XIRP2: variants seen among roughly 807,000 people sequenced by gnomAD.
XIRP2 encodes the protein xin actin binding repeat containing 2, also known as xin actin-binding repeat-containing protein 2.
A neutral mutation model predicts 277.0 loss-of-function variants in XIRP2; 236 were observed. The observed-to-expected ratio is 0.85, with a 90% CI of 0.77 to 0.95. The LOEUF is 0.95. XIRP2 is among the 40% of genes least tolerant of loss of function. XIRP2 has a pLI of 0.00. For missense variants in XIRP2, 4,640 were observed against 4,157.5 expected (o/e 1.12, Z -3.19); for synonymous variants, 1,490 against 1,416.5 (o/e 1.05, Z -1.17).
chr2:166,937,005 G>T (rs1321852568), intron 2 of XIRP2, among the ~76,000 whole-genome samples: 1 of 152,138 alleles, frequency 6.6e-6, no homozygotes, highest in Non-Finnish European at 1.5e-5. Context: ...ACCTTGGGGA[G>T]TATGGCCATT....
At chr2:167,023,417 C>G (rs1419567399) in intron 2 of XIRP2, among the ~76,000 whole-genome samples, 12 of 151,850 alleles carry the variant, frequency 7.9e-5, no homozygotes, top group Admixed American at 3.9e-4. Context: ...CCTGTTCACT[C>G]TGATGGTAGT....
chr2:166,948,682 T>C (rs958902432), intron 2 of XIRP2, among the ~76,000 whole-genome samples: 4 of 152,046 alleles, frequency 2.6e-5, no homozygotes, highest in African/African-American at 9.7e-5. Context: ...TACTACATCA[T>C]GATGCCTCTG....
At chr2:167,163,083 T>A (rs552497289) in intron 3 of XIRP2, among the ~76,000 whole-genome samples, 1 of 152,324 alleles carries the variant, frequency 6.6e-6, no homozygotes, top group African/African-American at 2.4e-5. Context: ...ATCTTCTTTA[T>A]GGACAGCTAG....
In XIRP2 at chr2:167,246,912, T is replaced by G; in HGVS notation, c.5520T>G (p.Asp1840Glu). ...KIPKEEIIKG[D>E]LTSTLNSLSQ... ...CCAAAGAAGAGATTATAAAAGGTGA[T>G]TTGACATCAACCCTAAATTCCCTCA... The change falls in exon 9 of 11, where the codon GAT becomes GAG. Residue 1840 changes from aspartate (D) to glutamate (E), a missense_variant. Asp to Glu is a conservative substitution (Grantham distance 45, BLOSUM62 2). Coordinates refer to ENST00000409195, the MANE Select transcript of XIRP2 (RefSeq NM_152381.6). 1 of 1,613,384 alleles carries G rather than the reference T, an allele frequency of 6.2e-7. No individual in the cohort carries two copies. Among genetic ancestry groups the G allele is most frequent in the East Asian group, 2.2e-5 (1 of 44,826 alleles).
At chr2:167,047,705 G>A (rs1474464674) in intron 2 of XIRP2, among the ~76,000 whole-genome samples, 1 of 151,790 alleles carries the variant, frequency 6.6e-6, no homozygotes, top group Non-Finnish European at 1.5e-5. Context: ...ACCTGTTTAG[G>A]GCTCATGTCA....
At chr2:167,176,585 G>A (rs985772550) in intron 3 of XIRP2, among the ~76,000 whole-genome samples, 7 of 152,098 alleles carry the variant, frequency 4.6e-5, no homozygotes, top group African/African-American at 1.7e-4. Flanking sequence ...GGGGCTTCAT[G>A]ATTTTTTAAT....
At chr2:166,934,157 T>A (rs979626433) in intron 2 of XIRP2, among the ~76,000 whole-genome samples, 17 of 144,236 alleles carry the variant, frequency 1.2e-4, no homozygotes, top group Non-Finnish European at 2.1e-4. Flanking sequence ...TATGTTATAT[T>A]GCATAAAAGT....
chr2:167,187,073 G>A (rs747450520), intron 3 of XIRP2, among the ~76,000 whole-genome samples: 43 of 152,002 alleles, frequency 2.8e-4, no homozygotes, highest in African/African-American at 9.2e-4. Flanking sequence ...AAGTAATTCC[G>A]GAACTTTAAT....
At chr2:166,985,159 C>CT (rs1486616687) in intron 2 of XIRP2, among the ~76,000 whole-genome samples, 2 of 152,180 alleles carry the variant, frequency 1.3e-5, no homozygotes, top group East Asian at 3.9e-4. Context: ...TACTACAATT[C>CT]TTTTTTTCCC....
Position 166,912,013 on chromosome 2 carries a change from C to T in XIRP2, c.408+8123C>T, listed in dbSNP as rs146632469. ...GATGGGCTTCACTTTGTGAGTAACC[C>T]GACCTTTCTTTCTGTCTGCCCTTAA... is the stretch of plus-strand genomic sequence containing the variant. On this transcript the variant is annotated intron_variant, in intron 2 of 10. Coordinates refer to ENST00000409195, the MANE Select transcript of XIRP2 (RefSeq NM_152381.6). Among the ~76,000 whole-genome samples the T allele has an allele frequency of 5.6e-3, 852 of 152,218 alleles. 45 individuals carry two copies. In the East Asian group the frequency reaches 0.13, roughly 23 times the overall value.
intron 2 of XIRP2, among the ~76,000 whole-genome samples, chr2:167,095,852 T>C (rs13018559): frequency 9.2e-5 from 3 of 32,592 alleles, no homozygotes; most frequent in African/African-American, 8.2e-4. Context: ...GGCGTCACTC[T>C]TTTTTTTTTT....
intron 2 of XIRP2, among the ~76,000 whole-genome samples, chr2:166,996,216 G>C (rs1687217254): frequency 6.6e-6 from 1 of 152,180 alleles, no homozygotes; most frequent in African/African-American, 2.4e-5. Flanking sequence ...GAGTGAGTGA[G>C]TGAACTAGTA....
intron 3 of XIRP2, among the ~76,000 whole-genome samples, chr2:167,153,564 C>G (rs985052756): frequency 6.6e-6 from 1 of 151,910 alleles, no homozygotes; most frequent in African/African-American, 2.4e-5. Flanking sequence ...CCCACTCCCC[C>G]CACCCCACAA....
chr2:167,205,952 C>T lies in XIRP2; in HGVS notation c.563-4783C>T, dbSNP rs1334366984. Among the ~76,000 whole-genome samples the T allele has an allele frequency of 2.0e-5, 3 of 152,018 alleles. No individual in the cohort carries two copies. In the East Asian group the frequency reaches 5.8e-4, roughly 29 times the overall value. On this transcript the variant is annotated intron_variant, in intron 3 of 10. Coordinates refer to ENST00000409195, the MANE Select transcript of XIRP2 (RefSeq NM_152381.6). ...ATGGTCTGTGTTTGACTTTTTGTTG[C>T]CCTCTCACATGGTTATCAACTTGGA...
chr2:167,183,822 G>A (rs955624907), intron 3 of XIRP2, among the ~76,000 whole-genome samples: 1 of 151,832 alleles, frequency 6.6e-6, no homozygotes, highest in African/African-American at 2.4e-5. Flanking sequence ...AAGTAAGCAG[G>A]GTGTATTCAA....
At chr2:167,026,230 G>A (rs887186542) in intron 2 of XIRP2, among the ~76,000 whole-genome samples, 1 of 152,032 alleles carries the variant, frequency 6.6e-6, no homozygotes, top group African/African-American at 2.4e-5. Flanking sequence ...TGTCTCTTTT[G>A]AGCTTTGTTG....
In XIRP2 at chr2:167,246,364, G is replaced by A; in HGVS notation, c.4972G>A (p.Asp1658Asn). The change falls in exon 9 of 11, where the codon GAT becomes AAT. Residue 1658 changes from aspartate to asparagine, a missense_variant. Coordinates refer to ENST00000409195, the MANE Select transcript of XIRP2 (RefSeq NM_152381.6). ...TGAAAAAGAAGAGATAGTGAAAGGT[G>A]ATGTACAACAAGCAATAAAAAACCT... Reference protein sequence around the residue: ...HAEKEEIVKGDVQQAIKNLFS... With the variant: ...HAEKEEIVKGNVQQAIKNLFS... 1 of 1,613,198 alleles carries A rather than the reference G, an allele frequency of 6.2e-7. No homozygotes were observed. The highest frequency in any genetic ancestry group is 1.1e-5 in the South Asian group (1 of 90,948).
In XIRP2 at chr2:167,006,521, T is replaced by C. The variant is rs560751591; in HGVS notation, c.408+102631T>C. ...TCTCTGGAAATTGAATGTGTTTTTGTGATTTCTGTTTCTAAGCTGCACTGC... is the reference window on the plus strand; with the variant it reads ...TCTCTGGAAATTGAATGTGTTTTTGCGATTTCTGTTTCTAAGCTGCACTGC... On this transcript the variant is annotated intron_variant, in intron 2 of 10. Transcript: ENST00000409195. Among the ~76,000 whole-genome samples the C allele has an allele frequency of 5.9e-5, 9 of 151,938 alleles. No individual in the cohort carries two copies. In the East Asian group the frequency reaches 1.7e-3, roughly 30 times the overall value.
At chr2:166,900,698 T>G (rs530023456) in intron 1 of XIRP2, among the ~76,000 whole-genome samples, 1 of 152,256 alleles carries the variant, frequency 6.6e-6, no homozygotes, top group South Asian at 2.1e-4. Flanking sequence ...CCATCACCCC[T>G]GCTGGCTGGA....
Sources: gnomAD v4.1 joint callset for allele counts (sites outside exome capture counted in the v4.1 genomes callset) on GRCh38, gnomAD v4.1.1 for gene constraint, MANE v1.5 for transcripts, NCBI Gene and HGNC (gene_info 2026-07-23, HGNC 2026-07-21) for gene names.